Variants in SMCR8 observed in about 807,000 individuals in gnomAD.
SMCR8 encodes the protein guanine nucleotide exchange protein SMCR8.
A neutral mutation model predicts 56.6 loss-of-function variants in SMCR8; 30 were observed. The observed-to-expected ratio is 0.53, with a 90% confidence interval of 0.40 to 0.72. SMCR8 has a LOEUF of 0.72. SMCR8 is among the 30% of genes least tolerant of loss of function. The pLI, the probability that SMCR8 is intolerant of heterozygous loss-of-function variation, is 0.00. For missense variants in SMCR8, 1,198 were observed against 1,157.0 expected (o/e 1.04, Z -0.51); for synonymous variants, 538 against 456.0 (o/e 1.18, Z -2.29).
chr17:18,315,676 C>A lies in SMCR8; in HGVS notation c.-114C>A. 1 of 1,060,032 alleles carries A rather than the reference C, an allele frequency of 9.4e-7. No homozygotes were observed. Among genetic ancestry groups the A allele is most frequent in the Non-Finnish European group, 1.4e-6 (1 of 733,252 alleles). The allele number at this position is 1,060,032 out of a possible 1,614,324, so 65.7% of individuals were successfully genotyped here. A position where few individuals can be genotyped will look rare whatever the true frequency, so the allele number is the denominator to read the frequency against. ...CTAGGACCCCGGGTTCGGGGAGTCG[C>A]AAAGAAGGCCGTAAGGGCTTCACTT... is the stretch of plus-strand genomic sequence containing the variant. On this transcript the variant is annotated 5_prime_UTR_variant, in exon 1 of 2. Coordinates refer to ENST00000406438, the MANE Select transcript of SMCR8 (RefSeq NM_144775.3).
intron 1 of SMCR8, among the ~76,000 whole-genome samples, chr17:18,319,710 T>G (rs960269834): frequency 6.6e-6 from 1 of 152,010 alleles, no homozygotes; most frequent in African/African-American, 2.4e-5. Context: ...TTTTTTTGTT[T>G]TGTGTGTTTT....
Position 18,322,874 on chromosome 17 carries a change from A to T in SMCR8, c.2618A>T (p.Asp873Val). 6.2e-7 allele frequency: 1 copy of T among 1,614,114 alleles called. No homozygotes were observed. The highest frequency in any genetic ancestry group is 1.1e-5 in the South Asian group (1 of 91,086). The change falls in exon 2 of 2, where the codon GAC becomes GTC. Residue 873 changes from aspartate (D) to valine (V), a missense_variant. Asp to Val is a radical substitution (Grantham distance 152). Transcript: ENST00000406438. ...CACCACCTGCACCTGCCTACCCACG[A>T]CAAGGAGACAGAGGAGCTGGTAGCC... ...FCHHLHLPTH[D>V]KETEELVASR...
At position 18,317,227 on chromosome 17, in the gene SMCR8, T is replaced by G. The variant is rs747846984; in HGVS notation, c.1438T>G (p.Ser480Ala). ...ESIEVLGTEK[S>A]TSVLSKSDSQ... ...TATTGAAGTTTTGGGCACGGAGAAA[T>G]CCACCTCCGTGCTTTCTAAATCTGA... is the stretch of plus-strand genomic sequence containing the variant. Residue 480 changes from serine to alanine, a missense_variant, in exon 1 of 2, where the codon TCC becomes GCC. Transcript: ENST00000406438. 3.7e-6 allele frequency: 6 copies of G among 1,613,994 alleles called. No homozygotes were observed. In the Admixed American group the frequency reaches 1.0e-4, roughly 27 times the overall value.
In SMCR8 at chr17:18,325,219, G is replaced by A. The variant is rs1982616073; in HGVS notation, c.*2149G>A. 1 of 152,258 alleles carries A rather than the reference G, an allele frequency of 6.6e-6. No individual in the cohort carries two copies. The highest frequency in any genetic ancestry group is 6.5e-5 in the Admixed American group (1 of 15,288). The allele number at this position is 152,258 out of a possible 1,614,324, so 9.4% of individuals were successfully genotyped here. On this transcript the variant is annotated 3_prime_UTR_variant, in exon 2 of 2. Coordinates refer to ENST00000406438, the MANE Select transcript of SMCR8 (RefSeq NM_144775.3). ...ATACTGTTCTCACCTGGGAAACTTG[G>A]GAAGGGCTGATGAGTTTGGGGCAGA...
At position 18,316,836 on chromosome 17, in the gene SMCR8, G is replaced by C. The variant is rs1982314184; in HGVS notation, c.1047G>C (p.Leu349=). The C allele has an allele frequency of 1.2e-6, 2 of 1,614,094 alleles. No homozygotes were observed. The highest frequency in any genetic ancestry group is 2.7e-5 in the African/African-American group (2 of 74,926). The change falls in exon 1 of 2, where the codon CTG becomes CTC. Residue 349 remains leucine (L), a synonymous_variant. Coordinates refer to ENST00000406438, the MANE Select transcript of SMCR8 (RefSeq NM_144775.3). The part of the protein sequence containing the change: ...SHIEHMFRGD[L]CYLLTSQIDR... ...TTGAACACATGTTCAGAGGAGACCT[G>C]TGTTACCTCCTGACCAGTCAGATTG...
chr17:18,318,221 G>A (rs1426223223), intron 1 of SMCR8, 72 bp downstream of exon 1: 19 of 1,439,634 alleles, frequency 1.3e-5, no homozygotes, highest in African/African-American at 1.1e-4. Flanking sequence ...GGTGGAGCCA[G>A]AATCAGGAAG....
Position 18,315,708 on chromosome 17 carries a change from C to T in SMCR8, c.-82C>T. ...GGCCGTAAGGGCTTCACTTCCTTCT[C>T]CGGAGGCCTGCCTTCTGCGCGTCGA... On this transcript the variant is annotated 5_prime_UTR_variant, in exon 1 of 2. Transcript: ENST00000406438. The T allele has an allele frequency of 2.9e-6, 4 of 1,360,006 alleles. No individual in the cohort carries two copies. Among genetic ancestry groups the T allele is most frequent in the East Asian group, 2.3e-5 (1 of 43,418 alleles). The allele number at this position is 1,360,006 out of a possible 1,614,324, so 84.2% of individuals were successfully genotyped here.
rs1206460816 is a variant in SMCR8, at chr17:18,326,520, C to T, written c.*3450C>T. 2 of 152,246 alleles carry T rather than the reference C, an allele frequency of 1.3e-5. No homozygotes were observed. Among genetic ancestry groups the T allele is most frequent in the Non-Finnish European group, 2.9e-5 (2 of 68,038 alleles). 9.4% of individuals were successfully genotyped at this position (152,246 alleles called of 1,614,324 possible). On this transcript the variant is annotated 3_prime_UTR_variant, in exon 2 of 2. Coordinates refer to ENST00000406438, the MANE Select transcript of SMCR8 (RefSeq NM_144775.3). ...AACAGTTGAAGTTACACACATTGCT[C>T]CCAAATTTGGAAATAGACCACAGTA...
Position 18,317,364 on chromosome 17 carries a change from T to G in SMCR8, c.1575T>G (p.Ser525=), listed in dbSNP as rs1233765027. ...DSIEVLSTCP[S]EALIPDDFKA... The stretch of plus-strand genomic sequence containing the variant: ...TTGAAGTCCTCAGTACCTGCCCCTC[T>G]GAGGCCCTCATCCCTGATGACTTTA... Residue 525 remains serine (S), a synonymous_variant, in exon 1 of 2, where the codon TCT becomes TCG. Transcript: ENST00000406438. 16 of 1,614,022 alleles carry G rather than the reference T, an allele frequency of 9.9e-6. No homozygotes were observed. The East Asian group carries it at 3.3e-4, about 34-fold the overall frequency.
In SMCR8 at chr17:18,316,719, G is replaced by T; in HGVS notation, c.930G>T (p.Lys310Asn). ...PAYTPKLIKA[K>N]STKCFDKKLK... is the part of the protein sequence containing the mutation. ...ACACCCCAAAACTTATCAAAGCAAA[G>T]TCCACCAAGTGTTTTGACAAGAAGT... The change falls in exon 1 of 2, where the codon AAG becomes AAT. Residue 310 changes from lysine (K) to asparagine (N), a missense_variant. Coordinates refer to ENST00000406438, the MANE Select transcript of SMCR8 (RefSeq NM_144775.3). The T allele has an allele frequency of 6.2e-7, 1 of 1,614,164 alleles. No individual in the cohort carries two copies.
intron 1 of SMCR8, among the ~76,000 whole-genome samples, chr17:18,321,047 G>A (rs1239040794): frequency 1.3e-5 from 2 of 152,212 alleles, no homozygotes; most frequent in Non-Finnish European, 1.5e-5. Flanking sequence ...CTTCATTACA[G>A]TGTTAGCTCC....
Position 18,323,467 on chromosome 17 carries a change from CA to C in SMCR8, c.*401del. On this transcript the variant is annotated 3_prime_UTR_variant, in exon 2 of 2. Transcript: ENST00000406438. ...TCAGCATTGCCGGACACTTGAGTGG[CA>C]AAATGAACGAGGGTGACAGCCAGGT... The C allele has an allele frequency of 5.0e-6, 1 of 199,722 alleles. No homozygotes were observed. The highest frequency in any genetic ancestry group is 1.0e-5 in the Non-Finnish European group (1 of 96,202). The allele number at this position is 199,722 out of a possible 1,614,324, so 12.4% of individuals were successfully genotyped here. A position where few individuals can be genotyped will look rare whatever the true frequency, so the allele number is the denominator to read the frequency against.
In SMCR8 at chr17:18,316,336, T is replaced by A; in HGVS notation, c.547T>A (p.Leu183Met). ...CGAATTTTCCAGAGCTTCTGAGTGC[T>A]TGAAGACTGGCAACAGGAAGGCATT... ...SAEFSRASEC[L>M]KTGNRKAFAG... The change falls in exon 1 of 2, where the codon TTG becomes ATG. Residue 183 changes from leucine to methionine, a missense_variant. Physicochemically the swap from Leu to Met is conservative, Grantham distance 15 (BLOSUM62 2). Coordinates refer to ENST00000406438, the MANE Select transcript of SMCR8 (RefSeq NM_144775.3). The A allele has an allele frequency of 1.2e-6, 2 of 1,614,182 alleles. No homozygotes were observed. Among genetic ancestry groups the A allele is most frequent in the Non-Finnish European group, 1.7e-6 (2 of 1,180,040 alleles).
chr17:18,317,350 A>G lies in SMCR8; in HGVS notation c.1561A>G (p.Ser521Gly), dbSNP rs1462388460. ...CAGCGAGGACAGTATTGAAGTCCTC[A>G]GTACCTGCCCCTCTGAGGCCCTCAT... ...TISEDSIEVL[S>G]TCPSEALIPD... The change falls in exon 1 of 2, where the codon AGT (serine) becomes GGT (glycine). Residue 521 changes from serine (S) to glycine (G), a missense_variant. Physicochemically the swap from Ser to Gly is moderately conservative, Grantham distance 56. Coordinates refer to ENST00000406438, the MANE Select transcript of SMCR8 (RefSeq NM_144775.3). 1.2e-6 allele frequency: 2 copies of G among 1,614,158 alleles called. No individual in the cohort carries two copies. The highest frequency in any genetic ancestry group is 1.7e-6 in the Non-Finnish European group (2 of 1,180,030).
chr17:18,317,343 A>G lies in SMCR8; in HGVS notation c.1554A>G (p.Glu518=), dbSNP rs1429739089. The G allele has an allele frequency of 3.1e-6, 5 of 1,614,134 alleles. No individual in the cohort carries two copies. Among genetic ancestry groups the G allele is most frequent in the Non-Finnish European group, 3.4e-6 (4 of 1,180,012 alleles). The stretch of plus-strand genomic sequence containing the variant: ...GGACCATCAGCGAGGACAGTATTGA[A>G]GTCCTCAGTACCTGCCCCTCTGAGG... ...SHRTISEDSI[E]VLSTCPSEAL... is the part of the protein sequence containing the mutation. The change falls in exon 1 of 2, where the codon GAA becomes GAG. Residue 518 remains glutamate (E), a synonymous_variant. Coordinates refer to ENST00000406438, the MANE Select transcript of SMCR8 (RefSeq NM_144775.3).
chr17:18,322,036 G>C (rs1425585466), intron 1 of SMCR8, among the ~76,000 whole-genome samples: 1 of 152,138 alleles, frequency 6.6e-6, no homozygotes, highest in Non-Finnish European at 1.5e-5. Flanking sequence ...TTTTAAGACA[G>C]AGTCTCGCTC....
In SMCR8 at chr17:18,327,846, A is replaced by G. The variant is rs544102417; in HGVS notation, c.*4776A>G. The G allele has an allele frequency of 6.5e-6, 1 of 152,734 alleles. No homozygotes were observed. Among genetic ancestry groups the G allele is most frequent in the Admixed American group, 6.5e-5 (1 of 15,296 alleles). The allele number at this position is 152,734 out of a possible 1,614,324, so 9.5% of individuals were successfully genotyped here. The stretch of plus-strand genomic sequence containing the variant: ...TGCTGCACAAGAGTTAACCAGAGTC[A>G]ATGCCAAACACATAGTATGAGAAGT... On this transcript the variant is annotated 3_prime_UTR_variant, in exon 2 of 2. Transcript: ENST00000406438.
chr17:18,324,410 A>T lies in SMCR8; in HGVS notation c.*1340A>T, dbSNP rs776785626. On this transcript the variant is annotated 3_prime_UTR_variant, in exon 2 of 2. Coordinates refer to ENST00000406438, the MANE Select transcript of SMCR8 (RefSeq NM_144775.3). ...GCAATGGCCACTGGTTTGTAGACAGAGAGTTTCTTGCAGCCTTGAAAATTT... is the reference window on the plus strand; with the variant it reads ...GCAATGGCCACTGGTTTGTAGACAGTGAGTTTCTTGCAGCCTTGAAAATTT... The T allele has an allele frequency of 2.6e-5, 4 of 152,316 alleles. No individual in the cohort carries two copies. The highest frequency in any genetic ancestry group is 4.4e-5 in the Non-Finnish European group (3 of 68,106). The allele number at this position is 152,316 out of a possible 1,614,324, so 9.4% of individuals were successfully genotyped here. A position where few individuals can be genotyped will look rare whatever the true frequency, so the allele number is the denominator to read the frequency against.
chr17:18,317,692 G>A lies in SMCR8; in HGVS notation c.1903G>A (p.Ala635Thr), dbSNP rs1351691638. 1.2e-6 allele frequency: 2 copies of A among 1,614,164 alleles called. No homozygotes were observed. Among genetic ancestry groups the A allele is most frequent in the African/African-American group, 1.3e-5 (1 of 75,040 alleles). Residue 635 changes from alanine to threonine, a missense_variant, in exon 1 of 2, where the codon GCC becomes ACC. Physicochemically the swap from Ala to Thr is moderately conservative, Grantham distance 58. Coordinates refer to ENST00000406438, the MANE Select transcript of SMCR8 (RefSeq NM_144775.3). ...CCGTGTAGACTTTTCAGTGGAAAAT[G>A]CCAACCCTTCTTCCCGAGACAACAG... ...GFRVDFSVEN[A>T]NPSSRDNSCE...
Sources: allele counts gnomAD v4.1 joint callset (sites outside exome capture counted in the v4.1 genomes callset), GRCh38; gene constraint gnomAD v4.1.1; transcripts MANE v1.5; gene names NCBI Gene and HGNC (gene_info 2026-07-23, HGNC 2026-07-21).